EPHA5: variants seen among roughly 807,000 people sequenced by gnomAD.
EPHA5 encodes the protein ephrin type-A receptor 5.
EPHA5 carries 60 observed loss-of-function variants against 105.0 expected under a neutral mutation model. That is an observed-to-expected ratio of 0.57 (90% CI 0.46 to 0.71). EPHA5 has a LOEUF of 0.71. Ranked by LOEUF, EPHA5 falls within the 30% of genes least tolerant of loss-of-function variation. The probability of loss-of-function intolerance (pLI) is 0.00; values close to 1 mark genes in which losing one functional copy is unlikely to be tolerated. For missense variants in EPHA5, 1,218 were observed against 1,274.7 expected (o/e 0.96, Z 0.68); for synonymous variants, 513 against 449.1 (o/e 1.14, Z -1.80).
intron 3 of EPHA5, among the ~76,000 whole-genome samples, chr4:65,587,128 C>T (rs1742198707): frequency 1.3e-5 from 2 of 152,186 alleles, no homozygotes; most frequent in African/African-American, 4.8e-5. Flanking sequence ...AAGTCTCCTC[C>T]AGTCAGAAAC....
At chr4:65,454,751 A>G (rs1482798828) in intron 5 of EPHA5, among the ~76,000 whole-genome samples, 2 of 152,224 alleles carry the variant, frequency 1.3e-5, no homozygotes, top group Admixed American at 6.5e-5. Context: ...ACTTTAAAGC[A>G]CAGACTGCAA....
intron 8 of EPHA5, among the ~76,000 whole-genome samples, chr4:65,388,074 T>C (rs1720308343): frequency 1.3e-5 from 2 of 149,746 alleles, no homozygotes; most frequent in Admixed American, 1.3e-4. Flanking sequence ...GGTGTTTGGT[T>C]TTTTGTCCTT....
chr4:65,358,372 T>C (rs73218316), intron 11 of EPHA5, among the ~76,000 whole-genome samples: 4,819 of 151,680 alleles, frequency 0.032, 260 homozygotes, highest in African/African-American at 0.11. Context: ...TTAAGACTTG[T>C]AAATGATTAA....
intron 3 of EPHA5, among the ~76,000 whole-genome samples, chr4:65,519,315 C>T (rs1423580063): frequency 6.6e-6 from 1 of 152,046 alleles, no homozygotes; most frequent in Non-Finnish European, 1.5e-5. Flanking sequence ...AGGCCTTTGA[C>T]AAAATTCAGC....
In EPHA5 at chr4:65,539,109, G is replaced by A. The variant is rs182216100; in HGVS notation, c.911-43566C>T. On this transcript the variant is annotated intron_variant, in intron 3 of 16. Coordinates refer to ENST00000613740, the MANE Select transcript of EPHA5 (RefSeq NM_001281766.3). ...CTAAGTGGCATTTGCTTAATGCTAGGAGATTTAAAATAAGCCAACTGTAGG... is the reference window on the plus strand; with the variant it reads ...CTAAGTGGCATTTGCTTAATGCTAGAAGATTTAAAATAAGCCAACTGTAGG... Among the ~76,000 whole-genome samples, 10 of 151,666 alleles carry A rather than the reference G, an allele frequency of 6.6e-5. No individual in the cohort carries two copies. In the East Asian group the frequency reaches 1.9e-3, roughly 29 times the overall value.
chr4:65,406,642 T>C (rs1722385814), intron 7 of EPHA5, among the ~76,000 whole-genome samples: 1 of 152,120 alleles, frequency 6.6e-6, no homozygotes, highest in Non-Finnish European at 1.5e-5. Flanking sequence ...TACTTCTTCC[T>C]TCATGGTGTC....
intron 3 of EPHA5, among the ~76,000 whole-genome samples, chr4:65,553,561 G>A (rs1738120393): frequency 1.3e-5 from 2 of 151,950 alleles, no homozygotes; most frequent in African/African-American, 2.4e-5. Context: ...TTTCTGATTT[G>A]TTTCCAGTCA....
At chr4:65,519,177 CAAATAATAA>C (rs771005228) in intron 3 of EPHA5, among the ~76,000 whole-genome samples, 80 of 151,674 alleles carry the variant, frequency 5.3e-4, no homozygotes, top group Non-Finnish European at 3.1e-4. Flanking sequence ...AATGTAAATG[CAAATAATAA>C]ATATAAATAT....
Position 65,414,449 on chromosome 4 carries a change from G to A in EPHA5, c.1528-6C>T, listed in dbSNP as rs777138597. On this transcript the variant is annotated splice_polypyrimidine_tract_variant and splice_region_variant and intron_variant, in intron 6 of 16. Transcript: ENST00000613740. ...GTGTAGCTGGTCTCTTGGTCCTTGG[G>A]ATGCGCATGCATATACAATAAAAAA... 1.2e-6 allele frequency: 2 copies of A among 1,613,620 alleles called. No individual in the cohort carries two copies. The highest frequency in any genetic ancestry group is 8.5e-7 in the Non-Finnish European group (1 of 1,179,746).
chr4:65,350,690 A>C (rs1722731957), intron 13 of EPHA5, among the ~76,000 whole-genome samples: 1 of 152,116 alleles, frequency 6.6e-6, no homozygotes, highest in African/African-American at 2.4e-5. Flanking sequence ...TTTCACAGAA[A>C]AAATGTCAAT....
At chr4:65,482,414 A>G (rs1250558164) in intron 5 of EPHA5, among the ~76,000 whole-genome samples, 1 of 152,192 alleles carries the variant, frequency 6.6e-6, no homozygotes, top group African/African-American at 2.4e-5. Flanking sequence ...CTATCTTTAA[A>G]AAAACTCTAT....
At chr4:65,505,212 G>A (rs1028927361) in intron 3 of EPHA5, among the ~76,000 whole-genome samples, 3 of 151,992 alleles carry the variant, frequency 2.0e-5, no homozygotes, top group East Asian at 1.9e-4. Context: ...AATAAGCTAC[G>A]TTTGAATTAA....
At position 65,670,438 on chromosome 4, in the gene EPHA5, G is replaced by A. The variant is rs1412354823; in HGVS notation, c.-696C>T. On this transcript the variant is annotated 5_prime_UTR_variant, in exon 1 of 17. Transcript: ENST00000613740. Reference sequence around the variant, plus strand: ...TGCTCGGGGAGCAGGCGGTGTGTGCGCGGCTGCGAAGTCGAGGTTGAAACT... The same window carrying A: ...TGCTCGGGGAGCAGGCGGTGTGTGCACGGCTGCGAAGTCGAGGTTGAAACT... The A allele has an allele frequency of 4.3e-6, 1 of 233,238 alleles. No individual in the cohort carries two copies. The highest frequency in any genetic ancestry group is 8.5e-6 in the Non-Finnish European group (1 of 118,046). The allele number at this position is 233,238 out of a possible 1,614,324, so 14.4% of individuals were successfully genotyped here.
rs188102692 is a variant in EPHA5, at chr4:65,590,289, A to G, written c.910+11352T>C. The stretch of plus-strand genomic sequence containing the variant: ...ATCAACAAATCACTTTGGTTCTTAC[A>G]GATGAAACACTGCTGGTCAGCCGTA... On this transcript the variant is annotated intron_variant, in intron 3 of 16. Transcript: ENST00000613740. 1.7e-4 allele frequency among the ~76,000 whole-genome samples: 26 copies of G among 152,310 alleles called. 1 individual carries two copies. The highest frequency in any genetic ancestry group is 6.3e-4 in the African/African-American group (26 of 41,572).
chr4:65,618,565 T>G (rs912093615), intron 2 of EPHA5, among the ~76,000 whole-genome samples: 1 of 152,190 alleles, frequency 6.6e-6, no homozygotes, highest in Non-Finnish European at 1.5e-5. Flanking sequence ...AACACTTTTT[T>G]TGACAATCTT....
chr4:65,373,513 TAGAG>T (rs1718694348), intron 8 of EPHA5, among the ~76,000 whole-genome samples: 1 of 151,872 alleles, frequency 6.6e-6, no homozygotes, highest in Non-Finnish European at 1.5e-5. Flanking sequence ...AGAATTAATA[TAGAG>T]AAAGGAAAAT....
intron 8 of EPHA5, among the ~76,000 whole-genome samples, chr4:65,372,630 T>A (rs932736352): frequency 4.6e-5 from 7 of 151,850 alleles, no homozygotes; most frequent in African/African-American, 1.7e-4. Context: ...ACGTACTTCA[T>A]TGAATATGGG....
At chr4:65,621,177 T>C (rs1308696934) in intron 2 of EPHA5, among the ~76,000 whole-genome samples, 1 of 152,178 alleles carries the variant, frequency 6.6e-6, no homozygotes, top group African/African-American at 2.4e-5. Flanking sequence ...TTAGCAAGGT[T>C]AAACAGAATA....
At chr4:65,360,596 T>G (rs980082399) in intron 11 of EPHA5, among the ~76,000 whole-genome samples, 1 of 151,644 alleles carries the variant, frequency 6.6e-6, no homozygotes, top group African/African-American at 2.4e-5. Context: ...TTAAAAGAGA[T>G]AACATATAAA....
Sources: gnomAD v4.1 joint callset for allele counts (sites outside exome capture counted in the v4.1 genomes callset) on GRCh38, gnomAD v4.1.1 for gene constraint, MANE v1.5 for transcripts, NCBI Gene and HGNC (gene_info 2026-07-23, HGNC 2026-07-21) for gene names.